WDR11: variants seen among roughly 807,000 people sequenced by gnomAD.
WDR11 encodes WD repeat domain 11.
Under a neutral mutation model 151.2 loss-of-function variants are expected in WDR11, and 83 were observed. The ratio of observed to expected loss-of-function variants is 0.55; its 90% CI spans 0.46 to 0.66. WDR11 has a LOEUF of 0.66. Ranked by LOEUF, WDR11 falls within the 30% of genes least tolerant of loss-of-function variation. The pLI is 0.00. For missense variants in WDR11, 1,301 were observed against 1,480.9 expected (o/e 0.88, Z 1.99); for synonymous variants, 484 against 533.1 (o/e 0.91, Z 1.27).
At chr10:120,869,586 C>T (rs1405472081) in intron 9 of WDR11, among the ~76,000 whole-genome samples, 3 of 152,068 alleles carry the variant, frequency 2.0e-5, no homozygotes, top group African/African-American at 7.2e-5. Context: ...CAAAGCAATT[C>T]AGGTAAATAA....
At chr10:120,888,615 C>T (rs1016213598) in intron 16 of WDR11, among the ~76,000 whole-genome samples, 13 of 152,186 alleles carry the variant, frequency 8.5e-5, no homozygotes, top group African/African-American at 2.4e-4. Context: ...TGTTCCAAAA[C>T]GTGTCAGTGA....
chr10:120,866,565 G>A lies in WDR11; in HGVS notation c.995-4G>A. 6.2e-7 allele frequency: 1 copy of A among 1,614,104 alleles called. No individual in the cohort carries two copies. The highest frequency in any genetic ancestry group is 8.5e-7 in the Non-Finnish European group (1 of 1,180,000). ...TCTGATATTTAAAACAATTTTATGT[G>A]AAGATCCAGATCCAGTTCAGGAGCT... On this transcript the variant is annotated splice_polypyrimidine_tract_variant and splice_region_variant and intron_variant, in intron 7 of 28. Transcript: ENST00000263461.
Position 120,866,757 on chromosome 10 carries a change from C to T in WDR11, c.1183C>T (p.Arg395Trp), listed in dbSNP as rs201051480. 1.9e-5 allele frequency: 31 copies of T among 1,613,916 alleles called. No homozygotes were observed. Among genetic ancestry groups the T allele is most frequent in the African/African-American group, 5.3e-5 (4 of 74,896 alleles). The change falls in exon 8 of 29, where the codon CGG (arginine) becomes TGG (tryptophan). Residue 395 changes from arginine to tryptophan, a missense_variant. Coordinates refer to ENST00000263461, the MANE Select transcript of WDR11 (RefSeq NM_018117.12). ...LKSAVCNRNS[R>W]NSSSGVSPLY... ...GTCTGCAGTTTGTAATCGAAATTCACGGAACAGGTAAATGAATCAACAGGA... is the reference window on the plus strand; with the variant it reads ...GTCTGCAGTTTGTAATCGAAATTCATGGAACAGGTAAATGAATCAACAGGA...
At chr10:120,866,059 A>G (rs1846301209) in intron 7 of WDR11, among the ~76,000 whole-genome samples, 1 of 146,938 alleles carries the variant, frequency 6.8e-6, no homozygotes, top group Non-Finnish European at 1.5e-5. Context: ...TGCCTTTATT[A>G]TTATACCCCC....
At chr10:120,865,240 C>T (rs375722587) in intron 6 of WDR11, 28 bp downstream of exon 6, 65 of 1,605,958 alleles carry the variant, frequency 4.0e-5, no homozygotes, top group Middle Eastern at 1.6e-4. Flanking sequence ...ATTATATTCC[C>T]CAAAATTATT....
intron 24 of WDR11, 99 bp downstream of exon 24, chr10:120,904,241 C>A: frequency 1.0e-6 from 1 of 956,746 alleles, no homozygotes; most frequent in Non-Finnish European, 1.6e-6. Context: ...TAATATTTTC[C>A]CCTTGTATGT....
At chr10:120,858,616 A>G in intron 2 of WDR11, 27 bp from the exon 3 acceptor site, 1 of 1,614,014 alleles carries the variant, frequency 6.2e-7, no homozygotes, top group Non-Finnish European at 8.5e-7. Flanking sequence ...GCAAGTATTT[A>G]CTTGATCTGA....
At position 120,906,853 on chromosome 10, in the gene WDR11, CAG is replaced by C. The variant is rs1848074087; in HGVS notation, c.3517_3517+1del. 6.2e-7 allele frequency: 1 copy of C among 1,614,150 alleles called. No homozygotes were observed. The highest frequency in any genetic ancestry group is 8.5e-7 in the Non-Finnish European group (1 of 1,180,014). On this transcript the variant is annotated frameshift_variant and splice_region_variant, in exon 28 of 29. Coordinates refer to ENST00000263461, the MANE Select transcript of WDR11 (RefSeq NM_018117.12). LOFTEE classifies it high-confidence loss of function. ...GGAGCATTTGAAGTCACTGAGGACA[CAG>C]ATATCCTTTGCAAGGTTGTTTGTAG...
chr10:120,875,784 C>G (rs1467339730), intron 11 of WDR11, among the ~76,000 whole-genome samples: 2 of 151,532 alleles, frequency 1.3e-5, no homozygotes, highest in Non-Finnish European at 2.9e-5. Flanking sequence ...GGATTACAGG[C>G]ATGAGCCACC....
At position 120,861,071 on chromosome 10, in the gene WDR11, A is replaced by G. The variant is rs568062482; in HGVS notation, c.526+789A>G. Among the ~76,000 whole-genome samples the G allele has an allele frequency of 1.1e-4, 16 of 152,314 alleles. No homozygotes were observed. The East Asian group carries it at 2.7e-3, about 26-fold the overall frequency. On this transcript the variant is annotated intron_variant, in intron 4 of 28. Coordinates refer to ENST00000263461, the MANE Select transcript of WDR11 (RefSeq NM_018117.12). ...AGGGGATGCAGAAGAATGGGGGATGAGGGCATGCAAGTTGTATGAGATAAA... is the reference window on the plus strand; with the variant it reads ...AGGGGATGCAGAAGAATGGGGGATGGGGGCATGCAAGTTGTATGAGATAAA...
chr10:120,856,429 G>T (rs1447487320), intron 2 of WDR11, among the ~76,000 whole-genome samples: 2 of 151,960 alleles, frequency 1.3e-5, no homozygotes, highest in East Asian at 3.9e-4. Context: ...ACAAAAATTA[G>T]CCAGGCGTGG....
intron 16 of WDR11, among the ~76,000 whole-genome samples, chr10:120,887,099 C>T (rs1847247785): frequency 6.6e-6 from 1 of 152,166 alleles, no homozygotes; most frequent in Non-Finnish European, 1.5e-5. Context: ...CATAACAAAA[C>T]TGTGGGAGAA....
chr10:120,851,481 G>T lies in WDR11; in HGVS notation c.61G>T (p.Ala21Ser), dbSNP rs1197222191. Residue 21 changes from alanine to serine, a missense_variant, in exon 1 of 29, where the codon GCC becomes TCC. Transcript: ENST00000263461. Reference sequence around the variant, plus strand: ...GCGCACCCTCACGGGGGCCCTCAACGCCCACAACAAGGCGGCGGTGGACTG... The same window carrying T: ...GCGCACCCTCACGGGGGCCCTCAACTCCCACAACAAGGCGGCGGTGGACTG... ...SARTLTGALN[A>S]HNKAAVDWGW... The T allele has an allele frequency of 1.2e-6, 2 of 1,611,972 alleles. No individual in the cohort carries two copies. Among genetic ancestry groups the T allele is most frequent in the Non-Finnish European group, 1.7e-6 (2 of 1,179,702 alleles).
At position 120,882,544 on chromosome 10, in the gene WDR11, G is replaced by GTTTTTTT. The variant is rs367918882; in HGVS notation, c.1740-1231_1740-1225dup. On this transcript the variant is annotated intron_variant, in intron 13 of 28. Coordinates refer to ENST00000263461, the MANE Select transcript of WDR11 (RefSeq NM_018117.12). ...AGTTTTTAAATACAAATTCAGTTTT[G>GTTTTTTT]TTTTTTTTTTTCATAAATATAGGAC... Among the ~76,000 whole-genome samples, 44 of 142,456 alleles carry GTTTTTTT rather than the reference G, an allele frequency of 3.1e-4. 2 individuals carry two copies. Among genetic ancestry groups the GTTTTTTT allele is most frequent in the African/African-American group, 1.1e-3 (43 of 38,720 alleles). The allele number at this position is 142,456 out of a possible 152,430, so 93.5% of individuals were successfully genotyped here.
chr10:120,908,276 A>ATGGGAGAATC lies in WDR11; in HGVS notation c.3518-274_3518-273insAATCTGGGAG, dbSNP rs59747906. 0.61 allele frequency: 267,137 copies of ATGGGAGAATC among 439,728 alleles called. 83,094 individuals are homozygous for ATGGGAGAATC. Among genetic ancestry groups the ATGGGAGAATC allele is most frequent in the African/African-American group, 0.82 (40,724 of 49,924 alleles). The allele number at this position is 439,728 out of a possible 1,614,324, so 27.2% of individuals were successfully genotyped here. ...TCCAATCTTCAGTTGAGTGTAGGTT[A>ATGGGAGAATC]TGGGAGGATGTTGGTTGGGTCTTCT... is the stretch of plus-strand genomic sequence containing the variant. On this transcript the variant is annotated intron_variant, in intron 28 of 28. Coordinates refer to ENST00000263461, the MANE Select transcript of WDR11 (RefSeq NM_018117.12).
intron 9 of WDR11, among the ~76,000 whole-genome samples, chr10:120,868,324 T>C (rs1339283481): frequency 6.6e-6 from 1 of 151,984 alleles, no homozygotes; most frequent in Non-Finnish European, 1.5e-5. Context: ...TGCAGTGGCA[T>C]GTGCTTGTGG....
chr10:120,855,445 T>TG (rs1305241591), intron 2 of WDR11, among the ~76,000 whole-genome samples: 2 of 152,190 alleles, frequency 1.3e-5, no homozygotes, highest in Non-Finnish European at 2.9e-5. Flanking sequence ...TCTCAATTTG[T>TG]GGGTTGTCTT....
Position 120,908,669 on chromosome 10 carries a change from T to A in WDR11, c.3631T>A (p.Leu1211Met). 1 of 1,614,196 alleles carries A rather than the reference T, an allele frequency of 6.2e-7. No individual in the cohort carries two copies. The highest frequency in any genetic ancestry group is 1.7e-5 in the Admixed American group (1 of 60,024). The stretch of plus-strand genomic sequence containing the variant: ...AGCCGGAGCAGCTGGCAAAGACTTA[T>A]TGAATGAGCTTGAGTCCCCCAAGGA... ...SKAGAAGKDLLNELESPKEEP... is the reference protein window; with the variant it reads ...SKAGAAGKDLMNELESPKEEP... Residue 1211 changes from leucine (L) to methionine (M), a missense_variant, in exon 29 of 29, where the codon TTG (leucine) becomes ATG (methionine). Transcript: ENST00000263461.
chr10:120,854,388 A>G (rs1440313240), intron 2 of WDR11, among the ~76,000 whole-genome samples: 1 of 152,246 alleles, frequency 6.6e-6, no homozygotes, highest in Non-Finnish European at 1.5e-5. Flanking sequence ...ATTCCACTGT[A>G]AGGATGTATC....
Sources: gnomAD v4.1 joint callset for allele counts (sites outside exome capture counted in the v4.1 genomes callset) on GRCh38, gnomAD v4.1.1 for gene constraint, MANE v1.5 for transcripts, NCBI Gene and HGNC (gene_info 2026-07-23, HGNC 2026-07-21) for gene names.